DGUOK: variants seen among roughly 807,000 people sequenced by gnomAD.
DGUOK encodes the protein deoxyguanosine kinase, also known as deoxyguanosine kinase, mitochondrial.
In DGUOK, 30 loss-of-function variants were observed where a neutral mutation model predicts 36.6. The observed-to-expected ratio is 0.82, with a 90% CI of 0.61 to 1.11. DGUOK has a LOEUF of 1.11. Ranked by LOEUF, DGUOK falls within the 50% of genes most tolerant of loss-of-function variation. The pLI is 0.00. For missense variants in DGUOK, 361 were observed against 336.4 expected (o/e 1.07, Z -0.57); for synonymous variants, 145 against 126.3 (o/e 1.15, Z -0.99).
chr2:73,929,706 A>G (rs1680872213), intron 1 of DGUOK, among the ~76,000 whole-genome samples: 1 of 152,110 alleles, frequency 6.6e-6, no homozygotes, highest in Non-Finnish European at 1.5e-5. Context: ...GTGGGAGGGA[A>G]TGATCAGCTG....
At chr2:73,933,720 A>T (rs1681234870) in intron 1 of DGUOK, among the ~76,000 whole-genome samples, 1 of 152,022 alleles carries the variant, frequency 6.6e-6, no homozygotes, top group African/African-American at 2.4e-5. Context: ...GAATGCCTTT[A>T]AGCTTGGAGC....
At chr2:73,943,792 G>A (rs931433274) in intron 2 of DGUOK, among the ~76,000 whole-genome samples, 7 of 151,922 alleles carry the variant, frequency 4.6e-5, no homozygotes, top group Non-Finnish European at 1.0e-4. Context: ...TGGGATTACA[G>A]GCATACCACC....
At chr2:73,952,946 C>T (rs1246763813) in intron 4 of DGUOK, among the ~76,000 whole-genome samples, 2 of 152,130 alleles carry the variant, frequency 1.3e-5, no homozygotes, top group Non-Finnish European at 2.9e-5. Context: ...CCAAATTGGG[C>T]AGCCTTAACT....
intron 4 of DGUOK, among the ~76,000 whole-genome samples, chr2:73,955,967 G>A (rs967273878): frequency 2.6e-5 from 4 of 152,188 alleles, no homozygotes; most frequent in Admixed American, 6.5e-5. Flanking sequence ...CAAGCAGAGA[G>A]AGGACTGAGG....
At chr2:73,939,734 TAACTC>T (rs1221303144) in intron 2 of DGUOK, among the ~76,000 whole-genome samples, 1 of 152,244 alleles carries the variant, frequency 6.6e-6, no homozygotes, top group Non-Finnish European at 1.5e-5. Context: ...TTCTGGTTCT[TAACTC>T]TAATTACTAA....
chr2:73,939,169 A>G, intron 2 of DGUOK, 147 bp downstream of exon 2: 1 of 678,564 alleles, frequency 1.5e-6, no homozygotes, highest in Non-Finnish European at 2.7e-6. Flanking sequence ...CACATACACC[A>G]GAGAGGATAT....
At chr2:73,928,196 C>T (rs1401879608) in intron 1 of DGUOK, among the ~76,000 whole-genome samples, 4 of 152,126 alleles carry the variant, frequency 2.6e-5, no homozygotes, top group African/African-American at 4.8e-5. Flanking sequence ...GACACGATCT[C>T]GACTCACTGC....
At position 73,932,629 on chromosome 2, in the gene DGUOK, AC is replaced by A. The variant is rs754380154; in HGVS notation, c.142+5580del. On this transcript the variant is annotated intron_variant, in intron 1 of 6. Coordinates refer to ENST00000264093, the MANE Select transcript of DGUOK (RefSeq NM_080916.3). ...TCCTCAAGCAAATCAGAATGAGAGC[AC>A]CCATTCAGGAAACCTGAACAGGGAA... 7 of 1,298,216 alleles carry A rather than the reference AC, an allele frequency of 5.4e-6. No individual in the cohort carries two copies. The South Asian group carries it at 7.4e-5, about 14-fold the overall frequency. The allele number at this position is 1,298,216 out of a possible 1,614,324, so 80.4% of individuals were successfully genotyped here. A position where few individuals can be genotyped will look rare whatever the true frequency, so the allele number is the denominator to read the frequency against.
chr2:73,930,780 T>A (rs1680947564), intron 1 of DGUOK, among the ~76,000 whole-genome samples: 1 of 120,746 alleles, frequency 8.3e-6, no homozygotes, highest in African/African-American at 3.0e-5. Context: ...CGACATAATT[T>A]TCTTTTTTTT....
intron 1 of DGUOK, among the ~76,000 whole-genome samples, chr2:73,938,006 C>G (rs1434848009): frequency 1.3e-5 from 2 of 152,094 alleles, no homozygotes; most frequent in Non-Finnish European, 2.9e-5. Context: ...CACTAACTTC[C>G]CATTGCCCTT....
intron 2 of DGUOK, among the ~76,000 whole-genome samples, chr2:73,946,393 C>T (rs1309544498): frequency 6.6e-6 from 1 of 152,152 alleles, no homozygotes; most frequent in African/African-American, 2.4e-5. Flanking sequence ...TTAACTCCTC[C>T]CCAGACAGAC....
chr2:73,934,894 G>A (rs1681339073), intron 1 of DGUOK, among the ~76,000 whole-genome samples: 1 of 152,108 alleles, frequency 6.6e-6, no homozygotes, highest in African/African-American at 2.4e-5. Context: ...GCAACATGGT[G>A]AAACCCTGTA....
intron 2 of DGUOK, among the ~76,000 whole-genome samples, chr2:73,939,781 C>A (rs910180912): frequency 6.6e-6 from 1 of 152,178 alleles, no homozygotes; most frequent in Non-Finnish European, 1.5e-5. Context: ...CCATGTTGCA[C>A]CCCTGTGACT....
intron 1 of DGUOK, among the ~76,000 whole-genome samples, chr2:73,933,831 G>C (rs1018196656): frequency 6.6e-6 from 1 of 152,114 alleles, no homozygotes; most frequent in South Asian, 2.1e-4. Flanking sequence ...CCTCTGAGTA[G>C]CTACTCCATA....
chr2:73,954,509 A>AT (rs1682945821), intron 4 of DGUOK, among the ~76,000 whole-genome samples: 2 of 151,902 alleles, frequency 1.3e-5, no homozygotes, highest in Admixed American at 1.3e-4. Context: ...ATCTCTAAAA[A>AT]TTTTTTTTAA....
chr2:73,939,883 C>T (rs998914879), intron 2 of DGUOK, among the ~76,000 whole-genome samples: 10 of 149,842 alleles, frequency 6.7e-5, no homozygotes, highest in Non-Finnish European at 1.3e-4. Context: ...TTTTCCTGTT[C>T]TTTCTCCCCC....
In DGUOK at chr2:73,958,429, G is replaced by A. The variant is rs143125586; in HGVS notation, c.807+184G>A. Among the ~76,000 whole-genome samples, 35 of 152,232 alleles carry A rather than the reference G, an allele frequency of 2.3e-4. No homozygotes were observed. In the East Asian group the frequency reaches 6.0e-3, roughly 26 times the overall value. On this transcript the variant is annotated intron_variant, in intron 6 of 6. Transcript: ENST00000264093. ...TATCCCTATTCTCTAAAGTATGCTGGACTAATAATTGTTAAATAATTGACT... is the reference window on the plus strand; with the variant it reads ...TATCCCTATTCTCTAAAGTATGCTGAACTAATAATTGTTAAATAATTGACT...
At chr2:73,941,772 T>G (rs1460815488) in intron 2 of DGUOK, among the ~76,000 whole-genome samples, 1 of 152,208 alleles carries the variant, frequency 6.6e-6, no homozygotes, top group Non-Finnish European at 1.5e-5. Flanking sequence ...TGTATCTTTT[T>G]GTTCTTTAGT....
At chr2:73,943,710 C>T (rs1682078647) in intron 2 of DGUOK, among the ~76,000 whole-genome samples, 1 of 151,342 alleles carries the variant, frequency 6.6e-6, no homozygotes, top group Non-Finnish European at 1.5e-5. Context: ...AGTGCAATGG[C>T]ACGATCTCAG....
Sources: allele counts gnomAD v4.1 joint callset (sites outside exome capture counted in the v4.1 genomes callset), GRCh38; gene constraint gnomAD v4.1.1; transcripts MANE v1.5; gene names NCBI Gene and HGNC (gene_info 2026-07-23, HGNC 2026-07-21).